The following AHCTF1 variants were observed in gnomAD, a reference collection of about 807,000 sequenced individuals.
AHCTF1 encodes the protein protein ELYS.
Under a neutral mutation model 248.4 loss-of-function variants are expected in AHCTF1, and 24 were observed. That is an observed-to-expected ratio of 0.10 (90% CI 0.07 to 0.14). The LOEUF (loss-of-function observed/expected upper bound fraction) is 0.14. Ranked by LOEUF, AHCTF1 falls within the 10% of genes least tolerant of loss-of-function variation. The pLI is 1.00. For synonymous variants in AHCTF1, 786 were observed against 929.8 expected (o/e 0.85, Z 2.81); for missense variants, 2,206 against 2,636.2 (o/e 0.84, Z 3.57).
chr1:246,918,734 A>T (rs1332937743), intron 1 of AHCTF1, among the ~76,000 whole-genome samples: 1 of 152,242 alleles, frequency 6.6e-6, no homozygotes, highest in Admixed American at 6.5e-5. Context: ...TTTCCCAAAC[A>T]GCTTTAGGAA....
intron 33 of AHCTF1, among the ~76,000 whole-genome samples, chr1:246,848,250 G>C (rs1250006604): frequency 6.6e-6 from 1 of 151,594 alleles, no homozygotes; most frequent in African/African-American, 2.4e-5. Flanking sequence ...TTATTATTTG[G>C]CCCCCCGGGC....
At chr1:246,849,519 A>T (rs1022801841) in intron 33 of AHCTF1, 96 bp downstream of exon 33, 1 of 1,485,958 alleles carries the variant, frequency 6.7e-7, no homozygotes, top group Non-Finnish European at 9.0e-7. Flanking sequence ...GGGAAGGGGA[A>T]AAATTCCCTA....
intron 21 of AHCTF1, among the ~76,000 whole-genome samples, chr1:246,877,662 C>T (rs368702933): frequency 2.0e-5 from 3 of 152,036 alleles, no homozygotes; most frequent in South Asian, 2.1e-4. Context: ...GGGAAGCGTG[C>T]GAAAGACTGA....
intron 4 of AHCTF1, among the ~76,000 whole-genome samples, chr1:246,911,387 C>A (rs188988862): frequency 4.0e-5 from 6 of 150,604 alleles, no homozygotes; most frequent in South Asian, 2.1e-4. Context: ...CTCATCAATT[C>A]TTTTCATTTA....
At chr1:246,930,005 T>C (rs180729263) in intron 1 of AHCTF1, among the ~76,000 whole-genome samples, 3,890 of 151,710 alleles carry the variant, frequency 0.026, 179 homozygotes, top group African/African-American at 0.088. Flanking sequence ...TGAGCCAAGA[T>C]TGTGCCACTG....
At chr1:246,859,710 G>A (rs138011766) in intron 29 of AHCTF1, among the ~76,000 whole-genome samples, 27 of 152,222 alleles carry the variant, frequency 1.8e-4, no homozygotes, top group Non-Finnish European at 3.1e-4. Context: ...TGAGTAGCTA[G>A]GAATACAAGT....
intron 21 of AHCTF1, among the ~76,000 whole-genome samples, chr1:246,883,268 G>T (rs909785796): frequency 6.6e-6 from 1 of 152,018 alleles, no homozygotes; most frequent in East Asian, 1.9e-4. Flanking sequence ...TTAACTTCTC[G>T]GACTTTTAGT....
chr1:246,915,638 C>T (rs1447432505), intron 3 of AHCTF1, among the ~76,000 whole-genome samples: 1 of 152,178 alleles, frequency 6.6e-6, no homozygotes, highest in East Asian at 1.9e-4. Context: ...TCTTCTCCCA[C>T]TAGACTATAA....
At position 246,839,110 on chromosome 1, in the gene AHCTF1, G is replaced by A. The variant is rs911966835; in HGVS notation, c.*1696C>T. On this transcript the variant is annotated 3_prime_UTR_variant, in exon 36 of 36. Transcript: ENST00000648844. ...TTGTAGCAACACATTTTAATGAGCAGTGTTTTTATTCAAGCTATATAAAGA... is the reference window on the plus strand; with the variant it reads ...TTGTAGCAACACATTTTAATGAGCAATGTTTTTATTCAAGCTATATAAAGA... 3.3e-5 allele frequency: 5 copies of A among 152,156 alleles called. No homozygotes were observed. Among genetic ancestry groups the A allele is most frequent in the African/African-American group, 1.2e-4 (5 of 41,448 alleles). The allele number at this position is 152,156 out of a possible 1,614,324, so 9.4% of individuals were successfully genotyped here. A position where few individuals can be genotyped will look rare whatever the true frequency, so the allele number is the denominator to read the frequency against.
In AHCTF1 at chr1:246,855,845, C is replaced by T. The variant is rs776807947; in HGVS notation, c.4257-18G>A. ...AGATTTTCCTTTAGAAAAAGAAATA[C>T]ATACCTTAGTGTGTAAGAAGATCCC... On this transcript the variant is annotated intron_variant, in intron 30 of 35. Transcript: ENST00000648844. 5.7e-6 allele frequency: 9 copies of T among 1,589,090 alleles called. No individual in the cohort carries two copies. The South Asian group carries it at 1.0e-4, about 18-fold the overall frequency.
At chr1:246,931,519 A>C (rs1290367528) in intron 1 of AHCTF1, 59 bp downstream of exon 1, 1 of 388,434 alleles carries the variant, frequency 2.6e-6, no homozygotes, top group Non-Finnish European at 3.5e-6. Context: ...CCGCGGGTCC[A>C]GGCCGCGCGA....
chr1:246,890,902 TATAAAG>T (rs890071211), intron 16 of AHCTF1, 48 bp downstream of exon 16: 44 of 1,174,364 alleles, frequency 3.7e-5, no homozygotes, highest in Non-Finnish European at 5.0e-5. Context: ...ATAACAAAAT[TATAAAG>T]ATTCAGAATG....
chr1:246,877,657 G>A (rs951987186), intron 21 of AHCTF1, among the ~76,000 whole-genome samples: 4 of 152,196 alleles, frequency 2.6e-5, no homozygotes, highest in African/African-American at 9.6e-5. Context: ...TCAGTGGGAA[G>A]CGTGCGAAAG....
At chr1:246,881,897 G>A (rs543988551) in intron 21 of AHCTF1, among the ~76,000 whole-genome samples, 6 of 149,968 alleles carry the variant, frequency 4.0e-5, no homozygotes, top group South Asian at 2.1e-4. Flanking sequence ...TACGTTGCCC[G>A]GCCTGATCCT....
chr1:246,856,031 A>C (rs1661089139), intron 30 of AHCTF1, among the ~76,000 whole-genome samples: 1 of 152,218 alleles, frequency 6.6e-6, no homozygotes, highest in Non-Finnish European at 1.5e-5. Context: ...CCCATTTTCT[A>C]ATGTTTTACT....
intron 1 of AHCTF1, among the ~76,000 whole-genome samples, chr1:246,926,268 G>A (rs1666912442): frequency 6.6e-6 from 1 of 152,090 alleles, no homozygotes; most frequent in East Asian, 1.9e-4. Flanking sequence ...TTCCTTTATA[G>A]CAACACAGGC....
Position 246,889,955 on chromosome 1 carries a change from T to C in AHCTF1, c.2144+11A>G. Reference sequence around the variant, plus strand: ...CTTACAGATGTAATTTCTAAAATTGTTTTACTATACCTTGATAAACGCTCA... The same window carrying C: ...CTTACAGATGTAATTTCTAAAATTGCTTTACTATACCTTGATAAACGCTCA... On this transcript the variant is annotated intron_variant, in intron 17 of 35. Coordinates refer to ENST00000648844, the MANE Select transcript of AHCTF1 (RefSeq NM_001323342.2). 1 of 1,597,062 alleles carries C rather than the reference T, an allele frequency of 6.3e-7. No homozygotes were observed. Among genetic ancestry groups the C allele is most frequent in the Non-Finnish European group, 8.5e-7 (1 of 1,171,004 alleles).
intron 32 of AHCTF1, 131 bp downstream of exon 32, chr1:246,852,960 C>T (rs1268558257): frequency 4.6e-6 from 3 of 651,196 alleles, no homozygotes; most frequent in Middle Eastern, 3.4e-4. Flanking sequence ...TTTTTGAACC[C>T]ATATTTTTAT....
chr1:246,866,482 T>C (rs1413673802), intron 26 of AHCTF1, among the ~76,000 whole-genome samples: 1 of 106,712 alleles, frequency 9.4e-6, no homozygotes, highest in East Asian at 2.5e-4. Flanking sequence ...CCTTTCAAGG[T>C]TTAACATATG....
Sources: allele counts gnomAD v4.1 joint callset (sites outside exome capture counted in the v4.1 genomes callset), GRCh38; gene constraint gnomAD v4.1.1; transcripts MANE v1.5; gene names NCBI Gene and HGNC (gene_info 2026-07-23, HGNC 2026-07-21).